ATRX: variants seen among roughly 807,000 people sequenced by gnomAD.
ATRX encodes the protein ATRX chromatin remodeler.
A neutral mutation model predicts 172.6 loss-of-function variants in ATRX; 12 were observed. The ratio of observed to expected loss-of-function variants is 0.07; its 90% CI spans 0.04 to 0.11. The LOEUF is 0.11. ATRX is among the 10% of genes least tolerant of loss of function. The pLI, the probability that ATRX is intolerant of heterozygous loss-of-function variation, is 1.00. For synonymous variants in ATRX, 674 were observed against 594.7 expected, an observed-to-expected ratio of 1.13 and a Z score of -1.94; for missense variants, 1,368 against 1,767.4, an observed-to-expected ratio of 0.77 and a Z score of 4.05.
At chrX:77,526,931 C>A (rs1197936111) in intron 30 of ATRX, among the ~76,000 whole-genome samples, 1 of 112,556 alleles carries the variant, frequency 8.9e-6, no homozygotes, top group African/African-American at 3.2e-5. Flanking sequence ...TTCCTTTTGA[C>A]TTACAGTCAA....
intron 1 of ATRX, among the ~76,000 whole-genome samples, chrX:77,726,794 A>G (rs959686534): frequency 1.1e-4 from 12 of 109,616 alleles, no homozygotes; most frequent in African/African-American, 4.0e-4. Flanking sequence ...ATAAATGATT[A>G]GGTTTCATAC....
At chrX:77,766,742 C>A (rs2075966024) in intron 1 of ATRX, among the ~76,000 whole-genome samples, 1 of 101,497 alleles carries the variant, frequency 9.9e-6, no homozygotes, top group South Asian at 5.0e-4. Context: ...CCAGACTGGG[C>A]AGCCAGGCAG....
intron 30 of ATRX, among the ~76,000 whole-genome samples, chrX:77,556,938 T>C (rs1174386451): frequency 1.8e-5 from 2 of 111,919 alleles, no homozygotes; most frequent in Non-Finnish European, 3.8e-5. Flanking sequence ...AGTTTCCTCA[T>C]CTTGAAAATG....
chrX:77,739,717 C>T (rs1451090077), intron 1 of ATRX, among the ~76,000 whole-genome samples: 1 of 110,180 alleles, frequency 9.1e-6, no homozygotes, highest in African/African-American at 3.3e-5. Flanking sequence ...AGCCCACAGA[C>T]ACCTATGACA....
At chrX:77,578,097 G>C (rs1270798575) in intron 27 of ATRX, among the ~76,000 whole-genome samples, 1 of 111,407 alleles carries the variant, frequency 9.0e-6, no homozygotes, top group Admixed American at 9.5e-5. Flanking sequence ...ACACATGAAG[G>C]GAGCATATAA....
At chrX:77,565,439 G>C (rs781892348) in intron 28 of ATRX, among the ~76,000 whole-genome samples, 11 of 112,166 alleles carry the variant, frequency 9.8e-5, no homozygotes, top group African/African-American at 3.6e-4. Context: ...TGTTAGAATT[G>C]TCTGACAAGG....
intron 1 of ATRX, among the ~76,000 whole-genome samples, chrX:77,722,252 A>C (rs1325384250): frequency 9.0e-6 from 1 of 111,359 alleles, no homozygotes; most frequent in Non-Finnish European, 1.9e-5. Context: ...ACCACCATTC[A>C]GGACATAGGC....
At chrX:77,625,749 T>C (rs2067805379) in intron 19 of ATRX, among the ~76,000 whole-genome samples, 1 of 109,644 alleles carries the variant, frequency 9.1e-6, no homozygotes, top group Non-Finnish European at 1.9e-5. Flanking sequence ...TAGATGTTGG[T>C]GTGAATGCAG....
intron 1 of ATRX, among the ~76,000 whole-genome samples, chrX:77,739,815 C>T (rs1392794776): frequency 9.2e-6 from 1 of 108,858 alleles, no homozygotes; most frequent in East Asian, 2.9e-4. Context: ...TTTGGGAGGC[C>T]GAGGTGGGTA....
At chrX:77,667,536 T>TA (rs1483971798) in intron 10 of ATRX, among the ~76,000 whole-genome samples, 6 of 110,972 alleles carry the variant, frequency 5.4e-5, no homozygotes, top group African/African-American at 2.0e-4. Context: ...AAAAAGTCTT[T>TA]AAAAAATTCC....
At chrX:77,580,619 A>T (rs1557073443) in intron 27 of ATRX, among the ~76,000 whole-genome samples, 5 of 112,212 alleles carry the variant, frequency 4.5e-5, no homozygotes, top group Non-Finnish European at 9.4e-5. Flanking sequence ...ACAAAAGCTG[A>T]GGGATTTTAT....
At chrX:77,701,309 C>T (rs781815891) in intron 2 of ATRX, among the ~76,000 whole-genome samples, 1 of 110,406 alleles carries the variant, frequency 9.1e-6, no homozygotes, top group East Asian at 2.9e-4. Context: ...GTCAGGAGTT[C>T]GAGACCAGCT....
At chrX:77,605,642 G>T (rs2066877534) in intron 22 of ATRX, among the ~76,000 whole-genome samples, 1 of 111,064 alleles carries the variant, frequency 9.0e-6, no homozygotes, top group African/African-American at 3.3e-5. Flanking sequence ...TGTGAGGTAA[G>T]CATCACCCTG....
At chrX:77,594,843 T>C (rs1425439289) in intron 25 of ATRX, 1 of 111,838 alleles carries the variant, frequency 8.9e-6, no homozygotes, top group Non-Finnish European at 1.9e-5. Flanking sequence ...GTTTGTAAAA[T>C]CCTACAAATT....
At chrX:77,772,441 G>A (rs1223884652) in intron 1 of ATRX, among the ~76,000 whole-genome samples, 3 of 105,341 alleles carry the variant, frequency 2.8e-5, no homozygotes, top group Non-Finnish European at 3.9e-5. Context: ...AGACCAGCCT[G>A]GGAAACATAG....
chrX:77,748,950 G>T (rs55800734), intron 1 of ATRX, among the ~76,000 whole-genome samples: 2 of 111,314 alleles, frequency 1.8e-5, no homozygotes, highest in Non-Finnish European at 3.8e-5. Flanking sequence ...TATTTACTAA[G>T]TGTTTTAAAA....
At chrX:77,756,282 T>C (rs1557190145) in intron 1 of ATRX, among the ~76,000 whole-genome samples, 1 of 110,939 alleles carries the variant, frequency 9.0e-6, no homozygotes, top group Non-Finnish European at 1.9e-5. Context: ...GCTTGCTGGG[T>C]TCTGTGGGAG....
intron 1 of ATRX, among the ~76,000 whole-genome samples, chrX:77,774,780 G>A (rs946852742): frequency 2.7e-5 from 3 of 112,055 alleles, no homozygotes; most frequent in African/African-American, 9.7e-5. Flanking sequence ...CATGATCATA[G>A]TTCATGGCAG....
At position 77,599,521 on chromosome X, in the gene ATRX, TCACTGC is replaced by T; in HGVS notation, c.5840_5845del (p.Gly1947_Ser1948del). 8.3e-7 allele frequency: 1 copy of T among 1,210,832 alleles called. No individual in the cohort carries two copies. Among genetic ancestry groups the T allele is most frequent in the Non-Finnish European group, 1.1e-6 (1 of 895,214 alleles). The stretch of plus-strand genomic sequence containing the variant: ...GACCTTAATCACTTCAACATCATTG[TCACTGC>T]CACTTCCACTTGAGCTACTATCTTT... On this transcript the variant is annotated inframe_deletion, in exon 25 of 35. Transcript: ENST00000373344.
Sources: allele counts gnomAD v4.1 joint callset (sites outside exome capture counted in the v4.1 genomes callset), GRCh38; gene constraint gnomAD v4.1.1; transcripts MANE v1.5; gene names NCBI Gene and HGNC (gene_info 2026-07-23, HGNC 2026-07-21).